CDH20: variants seen among roughly 807,000 people sequenced by gnomAD.
CDH20 encodes cadherin 20, also known as cadherin-20.
A neutral mutation model predicts 74.2 loss-of-function variants in CDH20; 29 were observed. That is an observed-to-expected ratio of 0.39 (90% CI 0.29 to 0.53). The LOEUF is 0.53. Among genes scored for constraint, CDH20 ranks in the 20% least tolerant of loss-of-function variants. The pLI is 0.69. For synonymous variants in CDH20, 469 were observed against 405.4 expected, an observed-to-expected ratio of 1.16 and a Z score of -1.88; for missense variants, 988 against 1,048.3, an observed-to-expected ratio of 0.94 and a Z score of 0.79.
intron 1 of CDH20, among the ~76,000 whole-genome samples, chr18:61,356,061 G>C (rs935576221): frequency 6.6e-6 from 1 of 152,116 alleles, no homozygotes; most frequent in African/African-American, 2.4e-5. Context: ...AGAGTAAAGA[G>C]TGATTCCACC....
chr18:61,435,901 C>A (rs1908816616), intron 1 of CDH20, among the ~76,000 whole-genome samples: 1 of 151,976 alleles, frequency 6.6e-6, no homozygotes, highest in Non-Finnish European at 1.5e-5. Flanking sequence ...AAAAGAAACC[C>A]AGCACACATT....
chr18:61,523,790 T>C (rs1912294386), intron 6 of CDH20, among the ~76,000 whole-genome samples: 1 of 151,936 alleles, frequency 6.6e-6, no homozygotes, highest in Non-Finnish European at 1.5e-5. Context: ...GAAACCACCA[T>C]TCTCAGCAAG....
At chr18:61,546,755 ACTGGATG>A (rs1913264834) in intron 10 of CDH20, among the ~76,000 whole-genome samples, 1 of 152,236 alleles carries the variant, frequency 6.6e-6, no homozygotes, top group African/African-American at 2.4e-5. Context: ...GGCCACCGGC[ACTGGATG>A]ACTATAGTAA....
At chr18:61,462,241 T>G (rs1909804445) in intron 1 of CDH20, among the ~76,000 whole-genome samples, 1 of 152,138 alleles carries the variant, frequency 6.6e-6, no homozygotes, top group African/African-American at 2.4e-5. Context: ...TTAGCTTGCT[T>G]TAGTCATTTC....
rs561377397 is a variant in CDH20 at position 61,353,320 on chromosome 18, C to A, written c.-153+19493C>A. On this transcript the variant is annotated intron_variant, in intron 1 of 11. Coordinates refer to ENST00000262717, the MANE Select transcript of CDH20 (RefSeq NM_031891.4). This position sits in a 1 kb window ranked among gnomAD's most constrained non-coding sequence, Gnocchi z 4.6. ...TACTTCTCTGGCCCTGGGCTTTTCT[C>A]ATCTACATGCTGTTCTCAATCTCTC... Among the ~76,000 whole-genome samples the A allele has an allele frequency of 6.6e-6, 1 of 152,222 alleles. No individual in the cohort carries two copies. Among genetic ancestry groups the A allele is most frequent in the African/African-American group, 2.4e-5 (1 of 41,446 alleles).
chr18:61,388,022 G>A (rs1911658846), intron 1 of CDH20, among the ~76,000 whole-genome samples: 1 of 152,056 alleles, frequency 6.6e-6, no homozygotes, highest in Non-Finnish European at 1.5e-5. Context: ...ATTAAAACCT[G>A]GCAAGGAAGA....
intron 1 of CDH20, among the ~76,000 whole-genome samples, chr18:61,412,621 G>C (rs1051775986): frequency 6.6e-6 from 1 of 152,086 alleles, no homozygotes; most frequent in African/African-American, 2.4e-5. Flanking sequence ...CAGTGATTCA[G>C]CTGAAAGGGG....
At chr18:61,383,579 T>TA (rs892149382) in intron 1 of CDH20, among the ~76,000 whole-genome samples, 6 of 150,740 alleles carry the variant, frequency 4.0e-5, no homozygotes, top group Non-Finnish European at 7.4e-5. Context: ...AGGCTCTGTC[T>TA]AAAAAAAAAT....
chr18:61,387,692 C>T (rs1340784795), intron 1 of CDH20, among the ~76,000 whole-genome samples: 1 of 152,136 alleles, frequency 6.6e-6, no homozygotes, highest in African/African-American at 2.4e-5. Flanking sequence ...ACATAGACAT[C>T]ATTATATGTC....
chr18:61,495,323 G>C (rs1406459197), intron 2 of CDH20, among the ~76,000 whole-genome samples: 3 of 152,232 alleles, frequency 2.0e-5, no homozygotes, highest in Non-Finnish European at 4.4e-5. Context: ...TCTACGGCTG[G>C]TAAAGCGGAA....
At chr18:61,545,624 AAG>A (rs1913221684) in intron 10 of CDH20, among the ~76,000 whole-genome samples, 1 of 152,148 alleles carries the variant, frequency 6.6e-6, no homozygotes. Context: ...GAAAGATAGA[AAG>A]TGATCTAGGA....
intron 1 of CDH20, among the ~76,000 whole-genome samples, chr18:61,346,637 G>T (rs1910122827): frequency 6.6e-6 from 1 of 152,014 alleles, no homozygotes; most frequent in African/African-American, 2.4e-5. Flanking sequence ...TGCAAAAAAA[G>T]AAAAATCTAG....
At chr18:61,511,466 G>C (rs1911781537) in intron 6 of CDH20, among the ~76,000 whole-genome samples, 1 of 152,116 alleles carries the variant, frequency 6.6e-6, no homozygotes, top group Non-Finnish European at 1.5e-5. Context: ...TTACAGGCAT[G>C]AGCCACCGCA....
intron 1 of CDH20, among the ~76,000 whole-genome samples, chr18:61,477,838 A>G (rs1910446021): frequency 6.6e-6 from 1 of 152,090 alleles, no homozygotes; most frequent in African/African-American, 2.4e-5. Context: ...TTCTTTTTTA[A>G]TGTTTGCTAA....
At chr18:61,514,263 C>T (rs1329822923) in intron 6 of CDH20, among the ~76,000 whole-genome samples, 1 of 152,044 alleles carries the variant, frequency 6.6e-6, no homozygotes, top group Non-Finnish European at 1.5e-5. Flanking sequence ...TCTTCCATTG[C>T]TGATACCCTT....
chr18:61,440,679 G>T (rs1356469016), intron 1 of CDH20, among the ~76,000 whole-genome samples: 1 of 152,162 alleles, frequency 6.6e-6, no homozygotes, highest in African/African-American at 2.4e-5. Context: ...GCGTCTCAAC[G>T]TCTGGGAGCT....
intron 1 of CDH20, among the ~76,000 whole-genome samples, chr18:61,381,506 T>C (rs1433999395): frequency 6.6e-6 from 1 of 152,214 alleles, no homozygotes; most frequent in Non-Finnish European, 1.5e-5. Context: ...CTACCTGCCT[T>C]CTTTGAATAG....
chr18:61,393,790 C>T (rs1911871564), intron 1 of CDH20, among the ~76,000 whole-genome samples: 1 of 152,108 alleles, frequency 6.6e-6, no homozygotes, highest in Non-Finnish European at 1.5e-5. Context: ...TAAAATAATA[C>T]ATCTCAAAGA....
intron 1 of CDH20, among the ~76,000 whole-genome samples, chr18:61,340,898 T>G (rs907498044): frequency 6.6e-6 from 1 of 152,236 alleles, no homozygotes; most frequent in Non-Finnish European, 1.5e-5. Flanking sequence ...AAATATATGT[T>G]TCTTTTTAAT....
Sources: gnomAD v4.1 joint callset for allele counts (sites outside exome capture counted in the v4.1 genomes callset) on GRCh38, gnomAD v4.1.1 for gene constraint, Gnocchi (gnomAD v3.1) non-coding constraint, MANE v1.5 for transcripts, NCBI Gene and HGNC (gene_info 2026-07-23, HGNC 2026-07-21) for gene names.